Variants in UBE3C observed in about 807,000 individuals in gnomAD.
The protein encoded by UBE3C is ubiquitin-protein ligase E3C.
Under a neutral mutation model 129.4 loss-of-function variants are expected in UBE3C, and 42 were observed. The ratio of observed to expected loss-of-function variants is 0.32; its 90% confidence interval spans 0.25 to 0.42. The LOEUF is 0.42. UBE3C is among the 10% of genes least tolerant of loss of function. UBE3C has a pLI of 1.00. For missense variants in UBE3C, 1,049 were observed against 1,319.1 expected (o/e 0.80, Z 3.17); for synonymous variants, 510 against 492.4 (o/e 1.04, Z -0.47).
intron 4 of UBE3C, among the ~76,000 whole-genome samples, chr7:157,173,681 G>A (rs1808439950): frequency 6.6e-6 from 1 of 152,134 alleles, no homozygotes; most frequent in South Asian, 2.1e-4. Context: ...TTTTGATAAA[G>A]TCTTCTTCCA....
At position 157,231,094 on chromosome 7, in the gene UBE3C, A is replaced by G; in HGVS notation, c.2248A>G (p.Lys750Glu). The G allele has an allele frequency of 3.1e-6, 5 of 1,613,466 alleles. No individual in the cohort carries two copies. The highest frequency in any genetic ancestry group is 1.3e-5 in the African/African-American group (1 of 74,962). Residue 750 changes from lysine (K) to glutamate (E), a missense_variant, in exon 18 of 23, where the codon AAG becomes GAG. Physicochemically the swap from Lys to Glu is moderately conservative, Grantham distance 56. Around this residue, in one of 4 missense-constraint regions of UBE3C, gnomAD observed 314 missense variants for 416.9 expected, o/e 0.75. Coordinates refer to ENST00000348165, the MANE Select transcript of UBE3C (RefSeq NM_014671.3). The part of the protein sequence containing the change: ...LSPENEPDLK[K>E]RIRVHLLNAH... ...TTTTTTAACAGAGCCTGATTTGAAA[A>G]AGCGGATCCGTGTGCACTTGCTCAA... is the stretch of plus-strand genomic sequence containing the variant.
chr7:157,158,294 G>C (rs1807973062), intron 1 of UBE3C, among the ~76,000 whole-genome samples: 1 of 152,032 alleles, frequency 6.6e-6, no homozygotes, highest in South Asian at 2.1e-4. Context: ...GCCGAGAGAG[G>C]GAACCTATTC....
intron 1 of UBE3C, among the ~76,000 whole-genome samples, chr7:157,146,247 CT>C (rs893631963): frequency 8.8e-4 from 128 of 146,050 alleles, no homozygotes; most frequent in Middle Eastern, 3.5e-3. Flanking sequence ...GGATCTATTT[CT>C]TTTTTTTTTT....
chr7:157,205,887 A>G (rs549856725), intron 11 of UBE3C, among the ~76,000 whole-genome samples: 1 of 152,334 alleles, frequency 6.6e-6, no homozygotes, highest in African/African-American at 2.4e-5. Context: ...ACCATGCACC[A>G]TGGAGACTCA....
At chr7:157,232,675 T>G (rs1322891175) in intron 18 of UBE3C, among the ~76,000 whole-genome samples, 1 of 152,206 alleles carries the variant, frequency 6.6e-6, no homozygotes, top group African/African-American at 2.4e-5. Flanking sequence ...CTTAAATAAA[T>G]TAGAAATTAA....
At chr7:157,147,065 C>CA (rs71522069) in intron 1 of UBE3C, among the ~76,000 whole-genome samples, 7,004 of 151,648 alleles carry the variant, frequency 0.046, 214 homozygotes, top group Non-Finnish European at 0.071. Flanking sequence ...TTGATATTCA[C>CA]AAAAAAAACC....
At chr7:157,209,799 GGTTAAGC>G (rs1317830726) in intron 13 of UBE3C, among the ~76,000 whole-genome samples, 3 of 152,148 alleles carry the variant, frequency 2.0e-5, no homozygotes, top group Non-Finnish European at 4.4e-5. Flanking sequence ...ATTTTGTTTT[GGTTAAGC>G]GTTAAATGAA....
At position 157,268,521 on chromosome 7, in the gene UBE3C, A is replaced by C. The variant is rs1057014; in HGVS notation, c.*766A>C. The C allele has an allele frequency of 6.6e-6, 1 of 152,604 alleles. No homozygotes were observed. The highest frequency in any genetic ancestry group is 1.5e-5 in the Non-Finnish European group (1 of 68,072). 9.5% of individuals were successfully genotyped at this position (152,604 alleles called of 1,614,324 possible). ...CAAGCTACTGCAACATCTGTCACCC[A>C]CTATACCCAGTTACTTGGGGGAGGA... is the stretch of plus-strand genomic sequence containing the variant. On this transcript the variant is annotated 3_prime_UTR_variant, in exon 23 of 23. Transcript: ENST00000348165.
chr7:157,235,738 A>G (rs1382552290), intron 18 of UBE3C, among the ~76,000 whole-genome samples: 1 of 152,226 alleles, frequency 6.6e-6, no homozygotes, highest in Non-Finnish European at 1.5e-5. Flanking sequence ...TGAGGATGGT[A>G]GTTAACTTAG....
At chr7:157,218,068 G>A (rs1202112970) in intron 14 of UBE3C, among the ~76,000 whole-genome samples, 1 of 152,044 alleles carries the variant, frequency 6.6e-6, no homozygotes, top group Non-Finnish European at 1.5e-5. Context: ...GGGACATAAG[G>A]TATTTTCAGT....
intron 1 of UBE3C, among the ~76,000 whole-genome samples, chr7:157,144,029 C>G (rs534027905): frequency 1.3e-5 from 2 of 152,288 alleles, no homozygotes; most frequent in South Asian, 4.1e-4. Flanking sequence ...AGTGAGTCCA[C>G]TGACTGCGGA....
chr7:157,156,455 T>G (rs6951298), intron 1 of UBE3C, among the ~76,000 whole-genome samples: 1 of 151,044 alleles, frequency 6.6e-6, no homozygotes, highest in African/African-American at 2.4e-5. Flanking sequence ...TACAGGCGCA[T>G]GTCACCACCC....
chr7:157,183,881 C>A lies in UBE3C; in HGVS notation c.995C>A (p.Ala332Asp), dbSNP rs535022918. The change falls in exon 9 of 23, where the codon GCC becomes GAC. Residue 332 changes from alanine (A) to aspartate (D), a missense_variant. Around this residue, in one of 4 missense-constraint regions of UBE3C, gnomAD observed 489 missense variants for 513.8 expected, o/e 0.95. Coordinates refer to ENST00000348165, the MANE Select transcript of UBE3C (RefSeq NM_014671.3). The stretch of plus-strand genomic sequence containing the variant: ...TTTAACTGATTGTTTTGCAAAGGGG[C>A]CCTCTCTGAGGAAGGGCTGCTGGTG... ...VLTVGENYLG[A>D]LSEEGLLVYL... 1.7e-5 allele frequency: 27 copies of A among 1,612,180 alleles called. No homozygotes were observed. In the South Asian group the frequency reaches 1.9e-4, roughly 11 times the overall value.
At chr7:157,247,838 CT>C (rs1312067695) in intron 18 of UBE3C, among the ~76,000 whole-genome samples, 4 of 152,184 alleles carry the variant, frequency 2.6e-5, no homozygotes, top group Admixed American at 2.6e-4. Context: ...CGGTTATGAA[CT>C]GGGACCCCCC....
chr7:157,143,119 A>G (rs984321306), intron 1 of UBE3C, among the ~76,000 whole-genome samples: 2 of 152,192 alleles, frequency 1.3e-5, no homozygotes, highest in Non-Finnish European at 2.9e-5. Flanking sequence ...CGCCTGCCTC[A>G]GCCTCCCAAA....
intron 2 of UBE3C, 83 bp from the exon 3 acceptor site, chr7:157,168,965 T>C (rs1381616726): frequency 1.9e-6 from 2 of 1,049,940 alleles, no homozygotes; most frequent in Admixed American, 1.8e-5. Context: ...TAGCTGTTAG[T>C]GTTTTTAAAG....
intron 18 of UBE3C, among the ~76,000 whole-genome samples, chr7:157,239,847 C>T (rs964119084): frequency 3.3e-5 from 5 of 152,184 alleles, no homozygotes; most frequent in Non-Finnish European, 7.3e-5. Context: ...GGTAGAGGAA[C>T]ACTGGGTGCA....
chr7:157,231,437 T>G, intron 18 of UBE3C, 110 bp downstream of exon 18: 1 of 1,499,286 alleles, frequency 6.7e-7, no homozygotes, highest in Middle Eastern at 1.9e-4. Context: ...TGTTTTAAAT[T>G]TGGATGCTAA....
intron 18 of UBE3C, among the ~76,000 whole-genome samples, chr7:157,235,186 T>C (rs1433306123): frequency 2.6e-5 from 4 of 152,056 alleles, no homozygotes. Flanking sequence ...CAAAACTCTG[T>C]CTCAAATTAA....
Sources: allele counts gnomAD v4.1 joint callset (sites outside exome capture counted in the v4.1 genomes callset), GRCh38; gene constraint gnomAD v4.1.1; regional missense constraint gnomAD v4.1.1; transcripts MANE v1.5; gene names NCBI Gene and HGNC (gene_info 2026-07-23, HGNC 2026-07-21).